Variants in ELL2 observed in about 807,000 individuals in gnomAD.
ELL2 encodes the protein RNA polymerase II elongation factor ELL2.
In ELL2, 21 loss-of-function variants were observed where a neutral mutation model predicts 72.8. That is an observed-to-expected ratio of 0.29 (90% CI 0.20 to 0.42). The LOEUF (loss-of-function observed/expected upper bound fraction) is 0.42. Ranked by LOEUF, ELL2 falls within the 10% of genes least tolerant of loss-of-function variation. The pLI is 1.00. For synonymous variants in ELL2, 266 were observed against 283.2 expected, an observed-to-expected ratio of 0.94 and a Z score of 0.61; for missense variants, 568 against 772.8, an observed-to-expected ratio of 0.73 and a Z score of 3.14.
At chr5:95,897,105 C>T (rs993609124) in intron 8 of ELL2, among the ~76,000 whole-genome samples, 10 of 152,198 alleles carry the variant, frequency 6.6e-5, no homozygotes, top group African/African-American at 2.2e-4. Flanking sequence ...CTTTGACATG[C>T]AATGTATCCA....
At chr5:95,927,612 T>C (rs1198201751) in intron 2 of ELL2, among the ~76,000 whole-genome samples, 1 of 34,056 alleles carries the variant, frequency 2.9e-5, no homozygotes, top group Admixed American at 2.2e-4. Context: ...CACACACACG[T>C]GTGTATATAG....
In ELL2 at chr5:95,906,542, A is replaced by G; in HGVS notation, c.722T>C (p.Leu241Pro). 1 of 1,612,938 alleles carries G rather than the reference A, an allele frequency of 6.2e-7. No individual in the cohort carries two copies. The highest frequency in any genetic ancestry group is 8.5e-7 in the Non-Finnish European group (1 of 1,179,118). ...CCTCACCTGTTGCAGAATTGCTCCC[A>G]GGGAGTTCTTGTCTTTTTGATTGAC... ...DGVNQKDKNS[L>P]GAILQQVANL... Residue 241 changes from leucine to proline, a missense_variant, in exon 5 of 12, where the codon CTG becomes CCG. This residue lies in a region of ELL2 where 511 missense variants were observed against 728.4 expected (regional missense o/e 0.70). Coordinates refer to ENST00000237853, the MANE Select transcript of ELL2 (RefSeq NM_012081.6).
chr5:95,900,922 A>T, intron 6 of ELL2, 34 bp downstream of exon 6: 1 of 1,576,840 alleles, frequency 6.3e-7, no homozygotes, highest in Non-Finnish European at 8.6e-7. Context: ...TTTTAAAGAA[A>T]CATTTTTTTA....
In ELL2 at chr5:95,900,687, A is replaced by G. The variant is rs1749100685; in HGVS notation, c.954+6T>C. On this transcript the variant is annotated splice_donor_region_variant and intron_variant, in intron 7 of 11. Coordinates refer to ENST00000237853, the MANE Select transcript of ELL2 (RefSeq NM_012081.6). ...TCAGGTCTATAATTCTATGTTTATG[A>G]CATACCTGAGGAGAAGATACAGCGT... 1 of 1,580,334 alleles carries G rather than the reference A, an allele frequency of 6.3e-7. No individual in the cohort carries two copies. Among genetic ancestry groups the G allele is most frequent in the Non-Finnish European group, 8.6e-7 (1 of 1,161,934 alleles).
intron 2 of ELL2, among the ~76,000 whole-genome samples, chr5:95,921,638 G>A (rs1207495313): frequency 6.6e-6 from 1 of 152,226 alleles, no homozygotes; most frequent in Non-Finnish European, 1.5e-5. Context: ...GCAAACAGGA[G>A]CCAAAGGAAT....
chr5:95,890,438 A>G (rs1335040894), intron 10 of ELL2, among the ~76,000 whole-genome samples: 1 of 152,238 alleles, frequency 6.6e-6, no homozygotes, highest in African/African-American at 2.4e-5. Flanking sequence ...AAAGTTATCT[A>G]GCCCACACGG....
Position 95,927,424 on chromosome 5 carries a change from T to TGTGTATATAGACAC in ELL2, c.196-7880_196-7879insGTGTCTATATACAC, listed in dbSNP as rs1750354598. 1.6e-4 allele frequency among the ~76,000 whole-genome samples: 6 copies of TGTGTATATAGACAC among 37,276 alleles called. 2 individuals carry two copies. Among genetic ancestry groups the TGTGTATATAGACAC allele is most frequent in the Admixed American group, 1.2e-3 (6 of 4,804 alleles). The allele number at this position is 37,276 out of a possible 152,430, so 24.5% of individuals were successfully genotyped here. On this transcript the variant is annotated intron_variant, in intron 2 of 11. Transcript: ENST00000237853. ...ATACACACACGTGTGTATATAGACATACACACACACGTGTGTATATAGACA... is the reference window on the plus strand; with the variant it reads ...ATACACACACGTGTGTATATAGACATGTGTATATAGACACACACACACACGTGTGTATATAGACA...
At chr5:95,927,907 T>C (rs935255028) in intron 2 of ELL2, among the ~76,000 whole-genome samples, 5 of 150,700 alleles carry the variant, frequency 3.3e-5, no homozygotes, top group Non-Finnish European at 7.4e-5. Flanking sequence ...ACTGGTTAAG[T>C]GTACTTCTTA....
At chr5:95,931,767 C>A (rs1361117444) in intron 2 of ELL2, among the ~76,000 whole-genome samples, 1 of 108,984 alleles carries the variant, frequency 9.2e-6, no homozygotes, top group East Asian at 2.6e-4. Context: ...AGAAGGGTAG[C>A]AAACACTGCT....
At chr5:95,928,685 G>A (rs188498573) in intron 2 of ELL2, among the ~76,000 whole-genome samples, 20 of 152,148 alleles carry the variant, frequency 1.3e-4, no homozygotes, top group African/African-American at 4.6e-4. Flanking sequence ...CCTTTTGCTT[G>A]GACAACTTGG....
At chr5:95,931,036 T>C (rs1750580034) in intron 2 of ELL2, among the ~76,000 whole-genome samples, 1 of 152,032 alleles carries the variant, frequency 6.6e-6, no homozygotes. Context: ...GCACTTCCAG[T>C]TCCAAGTTGT....
At chr5:95,924,096 G>T (rs953539968) in intron 2 of ELL2, among the ~76,000 whole-genome samples, 6 of 152,146 alleles carry the variant, frequency 3.9e-5, no homozygotes, top group African/African-American at 1.4e-4. Flanking sequence ...AGAACCTGTG[G>T]GACTGTTGAA....
intron 1 of ELL2, among the ~76,000 whole-genome samples, chr5:95,952,707 G>A (rs1223634991): frequency 2.0e-5 from 3 of 152,200 alleles, no homozygotes; most frequent in Non-Finnish European, 4.4e-5. Flanking sequence ...AAACTTTGAT[G>A]AGGAAGTATA....
chr5:95,927,744 CAT>C lies in ELL2; in HGVS notation c.196-8201_196-8200del, dbSNP rs1354591477. On this transcript the variant is annotated intron_variant, in intron 2 of 11. Coordinates refer to ENST00000237853, the MANE Select transcript of ELL2 (RefSeq NM_012081.6). ...GTGTGTATATAGACATACACACACA[CAT>C]ATGTGTGTATATAGACATACACACA... Among the ~76,000 whole-genome samples the C allele has an allele frequency of 3.4e-4, 27 of 78,786 alleles. 5 individuals carry two copies. Among genetic ancestry groups the C allele is most frequent in the Non-Finnish European group, 5.3e-4 (23 of 43,338 alleles). 51.7% of individuals were successfully genotyped at this position (78,786 alleles called of 152,430 possible).
intron 1 of ELL2, among the ~76,000 whole-genome samples, chr5:95,950,496 A>T (rs1751331978): frequency 6.6e-6 from 1 of 152,216 alleles, no homozygotes; most frequent in African/African-American, 2.4e-5. Context: ...TCTTGTTAAA[A>T]GCCAATAATA....
chr5:95,894,068 T>A (rs2112269298), intron 9 of ELL2, among the ~76,000 whole-genome samples: 1 of 152,272 alleles, frequency 6.6e-6, no homozygotes, highest in South Asian at 2.1e-4. Context: ...CTGGCCAATA[T>A]GGCGAAACGC....
chr5:95,892,210 G>A (rs972256789), intron 9 of ELL2, among the ~76,000 whole-genome samples: 5 of 151,420 alleles, frequency 3.3e-5, no homozygotes, highest in Non-Finnish European at 5.9e-5. Context: ...GCAGTGGCGC[G>A]ATCTCAGCTC....
At chr5:95,953,131 C>T (rs947155636) in intron 1 of ELL2, among the ~76,000 whole-genome samples, 1 of 152,200 alleles carries the variant, frequency 6.6e-6, no homozygotes, top group East Asian at 1.9e-4. Flanking sequence ...TCTCTTTGAA[C>T]ACAGACTTTA....
intron 1 of ELL2, among the ~76,000 whole-genome samples, chr5:95,949,143 C>A (rs2112355036): frequency 6.6e-6 from 1 of 152,286 alleles, no homozygotes; most frequent in Admixed American, 6.5e-5. Flanking sequence ...GACTATTCCT[C>A]ACAATATATC....
Sources: gnomAD v4.1 joint callset for allele counts (sites outside exome capture counted in the v4.1 genomes callset) on GRCh38, gnomAD v4.1.1 for gene constraint, gnomAD v4.1.1 regional missense constraint, MANE v1.5 for transcripts, NCBI Gene and HGNC (gene_info 2026-07-23, HGNC 2026-07-21) for gene names.